Variants in NTM observed in about 807,000 individuals in gnomAD.
The protein encoded by NTM is IgLON family member 2.
A neutral mutation model predicts 42.1 loss-of-function variants in NTM; 13 were observed. The ratio of observed to expected loss-of-function variants is 0.31; its 90% CI spans 0.20 to 0.49. The LOEUF (loss-of-function observed/expected upper bound fraction) is 0.49, where lower values mean the gene tolerates loss of function less well. Among genes scored for constraint, NTM ranks in the 20% least tolerant of loss-of-function variants. The pLI is 0.99. For missense variants in NTM, 373 were observed against 452.8 expected, an observed-to-expected ratio of 0.82 and a Z score of 1.60; for synonymous variants, 187 against 179.2, an observed-to-expected ratio of 1.04 and a Z score of -0.35.
chr11:131,800,239 A>G (rs1357255899), intron 1 of NTM, among the ~76,000 whole-genome samples: 1 of 152,230 alleles, frequency 6.6e-6, no homozygotes, highest in Non-Finnish European at 1.5e-5. Context: ...TGCAATCCCC[A>G]TTGTCTCATC....
chr11:132,047,518 T>G (rs1390032723), intron 2 of NTM, among the ~76,000 whole-genome samples: 1 of 152,236 alleles, frequency 6.6e-6, no homozygotes, highest in East Asian at 1.9e-4. Context: ...TCTCAGCACC[T>G]CTTATTTATT....
intron 2 of NTM, among the ~76,000 whole-genome samples, chr11:131,929,096 A>C (rs1343937841): frequency 6.6e-6 from 1 of 152,260 alleles, no homozygotes; most frequent in Non-Finnish European, 1.5e-5. Flanking sequence ...AAGTGGCCGC[A>C]CAATGCAATG....
chr11:132,219,891 G>A (rs1378766847), intron 4 of NTM, among the ~76,000 whole-genome samples: 3 of 152,088 alleles, frequency 2.0e-5, no homozygotes, highest in Non-Finnish European at 4.4e-5. Context: ...TGAAAAGATT[G>A]AATCTTTATA....
intron 1 of NTM, among the ~76,000 whole-genome samples, chr11:131,440,206 C>T (rs909945186): frequency 2.6e-5 from 4 of 151,940 alleles, no homozygotes; most frequent in Non-Finnish European, 5.9e-5. Flanking sequence ...TAACCTATAA[C>T]TTCTTTTAAT....
intron 8 of NTM, among the ~76,000 whole-genome samples, chr11:132,331,957 C>A (rs2095808406): frequency 6.6e-6 from 1 of 152,186 alleles, no homozygotes; most frequent in African/African-American, 2.4e-5. Context: ...ACCAAGGCTG[C>A]AGACTGCAGG....
intron 3 of NTM, among the ~76,000 whole-genome samples, chr11:132,193,711 T>A (rs1461064290): frequency 1.3e-5 from 2 of 151,632 alleles, no homozygotes; most frequent in Non-Finnish European, 2.9e-5. Flanking sequence ...ATACAAAAGA[T>A]CAACAAAACT....
intron 2 of NTM, among the ~76,000 whole-genome samples, chr11:132,011,992 G>C (rs1217494172): frequency 6.6e-6 from 1 of 152,120 alleles, no homozygotes; most frequent in African/African-American, 2.4e-5. Flanking sequence ...GTAATTAATT[G>C]TTTTCATCCA....
chr11:132,246,016 C>T (rs1339275932), intron 4 of NTM, among the ~76,000 whole-genome samples: 4 of 152,198 alleles, frequency 2.6e-5, no homozygotes, highest in African/African-American at 9.6e-5. Context: ...GATGAGAGAG[C>T]TGCCCCGGGC....
chr11:131,492,673 T>G (rs1591820476), intron 1 of NTM, among the ~76,000 whole-genome samples: 1 of 151,934 alleles, frequency 6.6e-6, no homozygotes, highest in African/African-American at 2.4e-5. Context: ...AAGTGCACAG[T>G]GGGTTCAGGG....
chr11:131,842,491 G>A (rs2044378146), intron 1 of NTM, among the ~76,000 whole-genome samples: 1 of 152,174 alleles, frequency 6.6e-6, no homozygotes, highest in Non-Finnish European at 1.5e-5. Flanking sequence ...TCGAGAGGCA[G>A]TAGTCTCCCA....
intron 4 of NTM, among the ~76,000 whole-genome samples, chr11:132,298,465 G>C (rs371589765): frequency 6.6e-6 from 1 of 152,270 alleles, no homozygotes; most frequent in South Asian, 2.1e-4. Flanking sequence ...TCTGCATGCA[G>C]ATTTGAGCTG....
At chr11:131,545,450 G>T (rs1349800338) in intron 1 of NTM, among the ~76,000 whole-genome samples, 2 of 151,732 alleles carry the variant, frequency 1.3e-5, no homozygotes, top group Admixed American at 6.6e-5. Flanking sequence ...AGTTTGGTTT[G>T]GTTCATTAAA....
chr11:132,058,563 C>A (rs768638100), intron 2 of NTM, among the ~76,000 whole-genome samples: 11 of 152,296 alleles, frequency 7.2e-5, no homozygotes, highest in Admixed American at 1.3e-4. Flanking sequence ...TGGGCACTTG[C>A]CATGGTTGGT....
At chr11:131,961,355 G>T (rs1251515990) in intron 2 of NTM, among the ~76,000 whole-genome samples, 2 of 152,174 alleles carry the variant, frequency 1.3e-5, no homozygotes, top group Admixed American at 6.5e-5. Context: ...AAAAGAGACA[G>T]AAATCTTTCT....
intron 4 of NTM, among the ~76,000 whole-genome samples, chr11:132,277,022 C>A (rs1276771477): frequency 6.6e-6 from 1 of 152,142 alleles, no homozygotes; most frequent in Non-Finnish European, 1.5e-5. Context: ...TGTGACTTCA[C>A]AACATCCACT....
chr11:132,005,759 C>T (rs2070625148), intron 2 of NTM, among the ~76,000 whole-genome samples: 1 of 152,136 alleles, frequency 6.6e-6, no homozygotes, highest in African/African-American at 2.4e-5. Flanking sequence ...TTATTCCTCC[C>T]ATTTTCTGTT....
Position 131,370,650 on chromosome 11 carries a change from C to T in NTM, c.-157C>T, listed in dbSNP as rs1227678471. 2 of 629,646 alleles carry T rather than the reference C, an allele frequency of 3.2e-6. No homozygotes were observed. The highest frequency in any genetic ancestry group is 5.5e-6 in the Non-Finnish European group (2 of 362,944). 39.0% of individuals were successfully genotyped at this position (629,646 alleles called of 1,614,324 possible). A position where few individuals can be genotyped will look rare whatever the true frequency, so the allele number is the denominator to read the frequency against. ...TGGAGATAATTACGGAGAAGTCATA[C>T]TCTCTCACACCCTCGGCTTTCTTGT... On this transcript the variant is annotated 5_prime_UTR_variant, in exon 1 of 9. Transcript: ENST00000683400.
intron 1 of NTM, among the ~76,000 whole-genome samples, chr11:131,474,057 C>T (rs1232458211): frequency 1.3e-5 from 2 of 152,050 alleles, no homozygotes; most frequent in Non-Finnish European, 1.5e-5. Context: ...CTGTCTTCAC[C>T]TCATTCTCTC....
chr11:132,163,180 C>A (rs1023044762), intron 3 of NTM, among the ~76,000 whole-genome samples: 4 of 152,146 alleles, frequency 2.6e-5, no homozygotes, highest in African/African-American at 7.2e-5. Flanking sequence ...TGGAACAGTG[C>A]AGCAGCAACA....
Sources: gnomAD v4.1 joint callset for allele counts (sites outside exome capture counted in the v4.1 genomes callset) on GRCh38, gnomAD v4.1.1 for gene constraint, MANE v1.5 for transcripts, NCBI Gene and HGNC (gene_info 2026-07-23, HGNC 2026-07-21) for gene names.